Variants in NPAS3 observed in about 807,000 individuals in gnomAD.
The protein encoded by NPAS3 is neuronal PAS domain-containing protein 3.
Under a neutral mutation model 73.1 loss-of-function variants are expected in NPAS3, and 14 were observed. The ratio of observed to expected loss-of-function variants is 0.19; its 90% CI spans 0.13 to 0.30. NPAS3 has a LOEUF of 0.30. Among genes scored for constraint, NPAS3 ranks in the 10% least tolerant of loss-of-function variants. The pLI is 1.00. For synonymous variants in NPAS3, 620 were observed against 541.5 expected, an observed-to-expected ratio of 1.14 and a Z score of -2.01; for missense variants, 1,096 against 1,250.0, an observed-to-expected ratio of 0.88 and a Z score of 1.86.
intron 2 of NPAS3, among the ~76,000 whole-genome samples, chr14:33,160,829 G>C (rs1348668943): frequency 2.0e-5 from 3 of 151,996 alleles, no homozygotes; most frequent in African/African-American, 7.3e-5. Flanking sequence ...CATGTGGCCA[G>C]TGGCTAGCAA....
intron 1 of NPAS3, among the ~76,000 whole-genome samples, chr14:32,946,346 GCGCACACACA>G (rs1165851350): frequency 2.3e-5 from 3 of 131,872 alleles, no homozygotes; most frequent in Non-Finnish European, 4.8e-5. Context: ...ACACACACAC[GCGCACACACA>G]CACACACACA....
At chr14:33,532,353 T>C (rs2054083825) in intron 4 of NPAS3, among the ~76,000 whole-genome samples, 1 of 152,160 alleles carries the variant, frequency 6.6e-6, no homozygotes, top group Non-Finnish European at 1.5e-5. Context: ...ACATTTACTA[T>C]TAATTAGAGA....
chr14:33,270,812 A>G (rs927346963), intron 3 of NPAS3, among the ~76,000 whole-genome samples: 2 of 152,206 alleles, frequency 1.3e-5, no homozygotes, highest in Non-Finnish European at 2.9e-5. Flanking sequence ...CTGTCTGCAG[A>G]TATCTCAGGT....
intron 5 of NPAS3, among the ~76,000 whole-genome samples, chr14:33,592,619 G>T (rs935825521): frequency 1.3e-5 from 2 of 152,192 alleles, no homozygotes; most frequent in Admixed American, 6.5e-5. Flanking sequence ...GATGGACAAG[G>T]TATTTTGGAA....
chr14:33,647,290 CTATATA>C (rs774453212), intron 5 of NPAS3, among the ~76,000 whole-genome samples: 3 of 147,418 alleles, frequency 2.0e-5, no homozygotes, highest in Non-Finnish European at 4.5e-5. Context: ...CTCTCTCTCT[CTATATA>C]TATATATATA....
intron 1 of NPAS3, among the ~76,000 whole-genome samples, chr14:33,003,123 T>C (rs2038869537): frequency 6.6e-6 from 1 of 152,080 alleles, no homozygotes; most frequent in East Asian, 1.9e-4. Context: ...TTTCTTGCTA[T>C]AATTATATTT....
intron 4 of NPAS3, among the ~76,000 whole-genome samples, chr14:33,532,593 C>G (rs999750397): frequency 2.6e-5 from 4 of 152,052 alleles, no homozygotes. Flanking sequence ...ACCCAGACCT[C>G]CCTGACTCTG....
chr14:32,938,876 G>A (rs1434056297), upstream of NPAS3, among the ~76,000 whole-genome samples: 1 of 143,088 alleles, frequency 7.0e-6, no homozygotes, highest in Non-Finnish European at 1.5e-5. Context: ...CTCCGCCGCC[G>A]CCGCCGGTCG....
At chr14:33,774,270 A>C in intron 7 of NPAS3, 67 bp from the exon 8 acceptor site, 2 of 1,320,778 alleles carry the variant, frequency 1.5e-6, no homozygotes, top group Admixed American at 1.9e-5. Context: ...TGCATTTCTC[A>C]TAAGAAATGC....
At chr14:33,057,268 C>A (rs8015656) in intron 2 of NPAS3, among the ~76,000 whole-genome samples, 36,286 of 151,726 alleles carry the variant, frequency 0.24, 5,923 homozygotes, top group African/African-American at 0.46. Context: ...TAGTTTTATC[C>A]GAACTGGTAT....
At chr14:33,239,175 G>GTA (rs1439398417) in intron 3 of NPAS3, among the ~76,000 whole-genome samples, 1 of 151,860 alleles carries the variant, frequency 6.6e-6, no homozygotes, top group African/African-American at 2.4e-5. Context: ...ACTTCTCAGT[G>GTA]TATTAGTGCT....
At chr14:33,561,002 G>A (rs532011312) in intron 5 of NPAS3, among the ~76,000 whole-genome samples, 71 of 152,252 alleles carry the variant, frequency 4.7e-4, no homozygotes, top group Non-Finnish European at 9.0e-4. Flanking sequence ...GGGTATTTGC[G>A]CCCATACAGG....
chr14:33,410,000 C>A (rs1424993304), intron 4 of NPAS3, among the ~76,000 whole-genome samples: 7 of 152,058 alleles, frequency 4.6e-5, no homozygotes, highest in African/African-American at 1.7e-4. Flanking sequence ...TACTCTTCTG[C>A]CCTCTTTGTA....
chr14:33,718,138 G>T (rs187927546), intron 6 of NPAS3, among the ~76,000 whole-genome samples: 2 of 152,218 alleles, frequency 1.3e-5, no homozygotes, highest in East Asian at 3.9e-4. Flanking sequence ...CTACGATGTG[G>T]TTATAAGAAT....
At chr14:33,375,813 A>T (rs1362444077) in intron 4 of NPAS3, among the ~76,000 whole-genome samples, 4 of 152,274 alleles carry the variant, frequency 2.6e-5, no homozygotes, top group Admixed American at 2.6e-4. Context: ...ATGAATCGTA[A>T]GTTTGGGAAT....
intron 4 of NPAS3, among the ~76,000 whole-genome samples, chr14:33,421,339 G>T (rs2048351591): frequency 6.6e-6 from 1 of 151,770 alleles, no homozygotes; most frequent in African/African-American, 2.4e-5. Flanking sequence ...ATCCTTAAGA[G>T]CTATTTTTCA....
chr14:33,270,636 C>A (rs1376221162), intron 3 of NPAS3, among the ~76,000 whole-genome samples: 1 of 152,132 alleles, frequency 6.6e-6, no homozygotes, highest in Admixed American at 6.5e-5. Flanking sequence ...GAATGAGGAC[C>A]ATTGATAAGG....
In NPAS3 at chr14:33,276,101, T is replaced by C. The variant is rs527453196; in HGVS notation, c.385+60675T>C. On this transcript the variant is annotated intron_variant, in intron 3 of 11. Transcript: ENST00000356141. ...GCAACAGTTGGTAGCACCTACACAC[T>C]GTGTGCATGACCACATCACCATTAG... Among the ~76,000 whole-genome samples the C allele has an allele frequency of 5.3e-5, 8 of 152,288 alleles. No homozygotes were observed. In the South Asian group the frequency reaches 1.7e-3, roughly 32 times the overall value.
intron 3 of NPAS3, among the ~76,000 whole-genome samples, chr14:33,257,504 C>A (rs2048822875): frequency 6.6e-6 from 1 of 152,174 alleles, no homozygotes; most frequent in Admixed American, 6.5e-5. Context: ...TTCAGTAAGT[C>A]TAAGGAGTTG....
Sources: allele counts gnomAD v4.1 joint callset (sites outside exome capture counted in the v4.1 genomes callset), GRCh38; gene constraint gnomAD v4.1.1; transcripts MANE v1.5; gene names NCBI Gene and HGNC (gene_info 2026-07-23, HGNC 2026-07-21).